The following TMEM132B variants were observed in gnomAD, a reference collection of about 807,000 sequenced individuals.
TMEM132B encodes transmembrane protein 132B.
TMEM132B carries 18 observed loss-of-function variants against 90.8 expected under a neutral mutation model. The ratio of observed to expected loss-of-function variants is 0.20; its 90% CI spans 0.14 to 0.29. TMEM132B has a LOEUF of 0.29. TMEM132B is among the 10% of genes least tolerant of loss of function. The pLI is 1.00. For synonymous variants in TMEM132B, 504 were observed against 523.3 expected (o/e 0.96, Z 0.50); for missense variants, 1,096 against 1,326.8 (o/e 0.83, Z 2.70).
At chr12:125,470,845 T>G (rs1013343540) in intron 3 of TMEM132B, among the ~76,000 whole-genome samples, 3 of 152,028 alleles carry the variant, frequency 2.0e-5, no homozygotes, top group Admixed American at 2.0e-4. Context: ...TCTCTGGGAG[T>G]CATTTTTCCC....
intron 5 of TMEM132B, among the ~76,000 whole-genome samples, chr12:125,593,557 G>A (rs11058257): frequency 0.14 from 21,477 of 152,072 alleles, 2,034 homozygotes; most frequent in East Asian, 0.4. Flanking sequence ...GAGAATTGGC[G>A]TGTGAAAGTG....
rs1292033017 is a variant in TMEM132B, at chr12:125,654,780, C to T, written c.*70C>T. On this transcript the variant is annotated 3_prime_UTR_variant, in exon 9 of 9. Coordinates refer to ENST00000682704, the MANE Select transcript of TMEM132B (RefSeq NM_001366854.1). This position sits in a 1 kb window ranked among gnomAD's most constrained non-coding sequence, Gnocchi z 5.8. Reference sequence around the variant, plus strand: ...TGAATGCTGGAGCAGTGAGTTTGATCAGCAATAGGGGATGATTTAACAAAG... The same window carrying T: ...TGAATGCTGGAGCAGTGAGTTTGATTAGCAATAGGGGATGATTTAACAAAG... 4 of 1,508,068 alleles carry T rather than the reference C, an allele frequency of 2.7e-6. No individual in the cohort carries two copies. In the African/African-American group the frequency reaches 4.2e-5, roughly 16 times the overall value. The allele number at this position is 1,508,068 out of a possible 1,614,324, so 93.4% of individuals were successfully genotyped here. A position where few individuals can be genotyped will look rare whatever the true frequency, so the allele number is the denominator to read the frequency against.
intron 2 of TMEM132B, among the ~76,000 whole-genome samples, chr12:125,355,662 G>A (rs1433900119): frequency 6.6e-6 from 1 of 152,140 alleles, no homozygotes; most frequent in Non-Finnish European, 1.5e-5. Context: ...ATTTCCCAGC[G>A]TAACTGATTG....
rs1426936406 is a variant in TMEM132B, at chr12:125,407,057, CAGAGCTTTT to C, written c.960-8473_960-8465del. Among the ~76,000 whole-genome samples, 1 of 152,148 alleles carries C rather than the reference CAGAGCTTTT, an allele frequency of 6.6e-6. No individual in the cohort carries two copies. The highest frequency in any genetic ancestry group is 6.5e-5 in the Admixed American group (1 of 15,280). ...GGGGAGCTCACCCAAGCTTGGTGTC[CAGAGCTTTT>C]TTTGGAACTTGGTCACATAGACATG... On this transcript the variant is annotated intron_variant, in intron 2 of 8. Transcript: ENST00000682704. The surrounding 1 kb of genome is among the most constrained non-coding windows in gnomAD (Gnocchi z 6.7).
Position 125,492,679 on chromosome 12 carries a change from C to T in TMEM132B, c.1107-26760C>T, listed in dbSNP as rs1421776188. ...GGCAGGAAGGCAGTGGTGGCCCGGC[C>T]TGTGCTCTGTCCCTGGGCTCAGGAG... On this transcript the variant is annotated intron_variant, in intron 3 of 8. Coordinates refer to ENST00000682704, the MANE Select transcript of TMEM132B (RefSeq NM_001366854.1). This position sits in a 1 kb window ranked among gnomAD's most constrained non-coding sequence, Gnocchi z 5.8. Among the ~76,000 whole-genome samples the T allele has an allele frequency of 6.6e-6, 1 of 152,138 alleles. No homozygotes were observed. Among genetic ancestry groups the T allele is most frequent in the Non-Finnish European group, 1.5e-5 (1 of 68,016 alleles).
chr12:125,367,256 A>T (rs1448685891), intron 2 of TMEM132B, among the ~76,000 whole-genome samples: 2 of 152,186 alleles, frequency 1.3e-5, no homozygotes, highest in Non-Finnish European at 2.9e-5. Flanking sequence ...CTTGAATATT[A>T]TGAATGCTAA....
chr12:125,559,727 AG>A (rs1482804114), intron 4 of TMEM132B, among the ~76,000 whole-genome samples: 1 of 152,110 alleles, frequency 6.6e-6, no homozygotes, highest in African/African-American at 2.4e-5. Context: ...AGGTGTAGTT[AG>A]GAGAGGAAAT....
Position 125,352,261 on chromosome 12 carries a change from T to C in TMEM132B, c.959+1918T>C, listed in dbSNP as rs146813536. On this transcript the variant is annotated intron_variant, in intron 2 of 8. Coordinates refer to ENST00000682704, the MANE Select transcript of TMEM132B (RefSeq NM_001366854.1). Reference sequence around the variant, plus strand: ...GTAAATGAATTCCAACTTCTAAATATACGAAAGAGCTTTCTAAGACAATTT... The same window carrying C: ...GTAAATGAATTCCAACTTCTAAATACACGAAAGAGCTTTCTAAGACAATTT... 9.2e-5 allele frequency among the ~76,000 whole-genome samples: 14 copies of C among 152,372 alleles called. No homozygotes were observed. In the East Asian group the frequency reaches 2.7e-3, roughly 29 times the overall value.
chr12:125,245,717 G>T (rs1278068863), intron 1 of TMEM132B, among the ~76,000 whole-genome samples: 1 of 152,212 alleles, frequency 6.6e-6, no homozygotes, highest in African/African-American at 2.4e-5. Flanking sequence ...CTGGGAACAG[G>T]CCTGGCAGCA....
chr12:125,376,353 T>G lies in TMEM132B; in HGVS notation c.959+26010T>G, dbSNP rs11830928. 2.3e-3 allele frequency among the ~76,000 whole-genome samples: 358 copies of G among 152,348 alleles called. 2 individuals carry two copies. The highest frequency in any genetic ancestry group is 8.1e-3 in the African/African-American group (335 of 41,580). On this transcript the variant is annotated intron_variant, in intron 2 of 8. Transcript: ENST00000682704. ...TTTGAGTAAGCCCAGTGAACAGACT[T>G]AAATAAAAATATTAAGTAATAATAC...
chr12:125,202,369 C>T (rs1282326396), intron 1 of TMEM132B, among the ~76,000 whole-genome samples: 2 of 152,268 alleles, frequency 1.3e-5, no homozygotes, highest in African/African-American at 4.8e-5. Flanking sequence ...GCCCCAGGTC[C>T]TCTGCCAGAG....
chr12:125,643,965 T>C, intron 5 of TMEM132B, 111 bp from the exon 6 acceptor site: 1 of 918,580 alleles, frequency 1.1e-6, no homozygotes, highest in Non-Finnish European at 1.7e-6. Context: ...ATTGGGTTGT[T>C]TTGGTGTCTA....
chr12:125,550,353 AT>A (rs1884194747), intron 4 of TMEM132B, among the ~76,000 whole-genome samples: 1 of 152,008 alleles, frequency 6.6e-6, no homozygotes, highest in South Asian at 2.1e-4. Flanking sequence ...CTATTTCTAT[AT>A]TCTGTTTTTT....
At chr12:125,365,305 T>C (rs1161478627) in intron 2 of TMEM132B, among the ~76,000 whole-genome samples, 18 of 152,112 alleles carry the variant, frequency 1.2e-4, no homozygotes, top group Admixed American at 9.8e-4. Flanking sequence ...AAAATGTAGA[T>C]AGTAGGTCCA....
intron 2 of TMEM132B, among the ~76,000 whole-genome samples, chr12:125,374,637 C>A (rs540650400): frequency 6.6e-6 from 1 of 151,806 alleles, no homozygotes; most frequent in South Asian, 2.1e-4. Flanking sequence ...CCCTGCACCC[C>A]CCGACCCCGC....
chr12:125,247,842 G>A (rs577286641), intron 1 of TMEM132B, among the ~76,000 whole-genome samples: 10 of 152,298 alleles, frequency 6.6e-5, no homozygotes, highest in Admixed American at 3.9e-4. Context: ...CAGATGGCAC[G>A]AAGTAGGGAC....
rs1398205377 is a variant in TMEM132B at position 125,662,273 on chromosome 12, A to G, written c.*7563A>G. ...ATCTCATTATATTACCTATGGTTTC[A>G]GTATGATCTGTTGTGTATGTTCCAC... On this transcript the variant is annotated 3_prime_UTR_variant, in exon 9 of 9. Transcript: ENST00000682704. 1 of 152,198 alleles carries G rather than the reference A, an allele frequency of 6.6e-6. No individual in the cohort carries two copies. Among genetic ancestry groups the G allele is most frequent in the African/African-American group, 2.4e-5 (1 of 41,450 alleles). 9.4% of individuals were successfully genotyped at this position (152,198 alleles called of 1,614,324 possible). A position where few individuals can be genotyped will look rare whatever the true frequency, so the allele number is the denominator to read the frequency against.
intron 3 of TMEM132B, among the ~76,000 whole-genome samples, chr12:125,516,165 A>T (rs928250146): frequency 1.3e-5 from 2 of 152,034 alleles, no homozygotes; most frequent in East Asian, 3.9e-4. Context: ...ACATTCTCAC[A>T]CACACACTCA....
chr12:125,518,950 A>G (rs1391112965), intron 3 of TMEM132B, among the ~76,000 whole-genome samples: 1 of 152,202 alleles, frequency 6.6e-6, no homozygotes, highest in African/African-American at 2.4e-5. Context: ...GGTCCCCACT[A>G]TTCTCTGCAA....
Sources: gnomAD v4.1 joint callset for allele counts (sites outside exome capture counted in the v4.1 genomes callset) on GRCh38, gnomAD v4.1.1 for gene constraint, Gnocchi (gnomAD v3.1) non-coding constraint, MANE v1.5 for transcripts, NCBI Gene and HGNC (gene_info 2026-07-23, HGNC 2026-07-21) for gene names.